KCNC2: variants seen among roughly 807,000 people sequenced by gnomAD.
The protein encoded by KCNC2 is voltage-gated potassium channel KCNC2.
KCNC2 carries 21 observed loss-of-function variants against 44.5 expected under a neutral mutation model. The ratio of observed to expected loss-of-function variants is 0.47; its 90% confidence interval spans 0.33 to 0.68. The LOEUF (loss-of-function observed/expected upper bound fraction) is 0.68, where lower values mean the gene tolerates loss of function less well. Among genes scored for constraint, KCNC2 ranks in the 30% least tolerant of loss-of-function variants. The pLI is 0.01. For missense variants in KCNC2, 589 were observed against 826.2 expected (o/e 0.71, Z 3.52); for synonymous variants, 391 against 339.1 (o/e 1.15, Z -1.68).
chr12:75,052,599 C>A lies in KCNC2; in HGVS notation c.688-1282G>T, dbSNP rs185834426. Among the ~76,000 whole-genome samples the A allele has an allele frequency of 2.6e-5, 4 of 152,136 alleles. No homozygotes were observed. The South Asian group carries it at 8.3e-4, about 32-fold the overall frequency. The stretch of plus-strand genomic sequence containing the variant: ...CAGGAGAAGGAAGTTGTCAGTCAAG[C>A]GGAGGGAGGTTCTTACTTGAAAATA... On this transcript the variant is annotated intron_variant, in intron 2 of 4. Transcript: ENST00000549446.
chr12:75,053,262 A>C (rs1177179953), intron 2 of KCNC2, among the ~76,000 whole-genome samples: 3 of 32,896 alleles, frequency 9.1e-5, no homozygotes, highest in Admixed American at 8.1e-4. Context: ...GTACCTACTA[A>C]CTCCCACCCC....
chr12:75,179,549 G>A (rs892853300), intron 2 of KCNC2, among the ~76,000 whole-genome samples: 1 of 151,280 alleles, frequency 6.6e-6, no homozygotes, highest in Admixed American at 6.6e-5. Flanking sequence ...ATTTATGCAT[G>A]TTAGACTCCA....
chr12:75,155,814 G>A (rs1890717982), intron 2 of KCNC2, among the ~76,000 whole-genome samples: 1 of 151,638 alleles, frequency 6.6e-6, no homozygotes, highest in Non-Finnish European at 1.5e-5. Flanking sequence ...TGAACTAAAT[G>A]CTTTAGATAC....
intron 2 of KCNC2, among the ~76,000 whole-genome samples, chr12:75,129,878 T>C (rs1888705888): frequency 6.6e-6 from 1 of 152,228 alleles, no homozygotes; most frequent in African/African-American, 2.4e-5. Flanking sequence ...AGGTATGTGG[T>C]TGACTTGATA....
chr12:75,129,455 G>T (rs1194822638), intron 2 of KCNC2, among the ~76,000 whole-genome samples: 2 of 152,062 alleles, frequency 1.3e-5, no homozygotes, highest in African/African-American at 2.4e-5. Context: ...GCTTTCATTG[G>T]TGCTTAAATC....
At chr12:75,183,581 A>C (rs772770613) in intron 2 of KCNC2, among the ~76,000 whole-genome samples, 1 of 152,176 alleles carries the variant, frequency 6.6e-6, no homozygotes, top group Non-Finnish European at 1.5e-5. Flanking sequence ...TTTTTGTAAG[A>C]TCTTATGCAT....
At chr12:75,067,123 G>A (rs1882909984) in intron 2 of KCNC2, among the ~76,000 whole-genome samples, 1 of 152,146 alleles carries the variant, frequency 6.6e-6, no homozygotes. Context: ...GATCTCTTGA[G>A]CCTGGGAGTT....
rs145164475 is a variant in KCNC2 at position 75,208,895 on chromosome 12, T to A, written c.-20+312A>T. On this transcript the variant is annotated intron_variant, in intron 1 of 4. Coordinates refer to ENST00000549446, the MANE Select transcript of KCNC2 (RefSeq NM_139137.4). ...TAAGATCCATCTTTAAGAATAGAAG[T>A]GATCAATGCATCCCACCCATCCCCC... Among the ~76,000 whole-genome samples, 6 of 152,220 alleles carry A rather than the reference T, an allele frequency of 3.9e-5. No individual in the cohort carries two copies. In the East Asian group the frequency reaches 1.2e-3, roughly 30 times the overall value.
At chr12:75,203,124 C>T (rs2031421129) in intron 2 of KCNC2, among the ~76,000 whole-genome samples, 1 of 151,754 alleles carries the variant, frequency 6.6e-6, no homozygotes, top group Non-Finnish European at 1.5e-5. Flanking sequence ...AGACTTAATA[C>T]ATTTTCTTCC....
At position 75,041,269 on chromosome 12, in the gene KCNC2, A is replaced by C. The variant is rs1879872672; in HGVS notation, c.*1836T>G. 6.4e-7 allele frequency: 1 copy of C among 1,570,598 alleles called. No individual in the cohort carries two copies. The highest frequency in any genetic ancestry group is 1.3e-5 in the African/African-American group (1 of 74,242). ...TTCTTTTACCATAAATTTGTGTGTA[A>C]TTATAATGTTCTATGTGTGGTGTTA... On this transcript the variant is annotated 3_prime_UTR_variant, in exon 5 of 5. Transcript: ENST00000549446.
At chr12:75,165,063 C>T (rs998488280) in intron 2 of KCNC2, among the ~76,000 whole-genome samples, 3 of 151,532 alleles carry the variant, frequency 2.0e-5, no homozygotes, top group African/African-American at 7.3e-5. Flanking sequence ...AGAGTGATCA[C>T]CTACAGTTCC....
intron 2 of KCNC2, among the ~76,000 whole-genome samples, chr12:75,074,470 C>T (rs10506676): frequency 0.89 from 134,911 of 152,058 alleles, 59,900 homozygotes; most frequent in Admixed American, 0.91. Context: ...TTCTACTTTC[C>T]TTGCCCTTTT....
intron 2 of KCNC2, among the ~76,000 whole-genome samples, chr12:75,138,843 T>C (rs1465272704): frequency 6.6e-6 from 1 of 151,078 alleles, no homozygotes; most frequent in Admixed American, 6.6e-5. Context: ...TAGCTGGGCG[T>C]GGTGGCGGAC....
In KCNC2 at chr12:75,207,424, G is replaced by A. The variant is rs751184466; in HGVS notation, c.560C>T (p.Ala187Val). ...CGCGTCCTCGATGCCCAGCCTCTTGGCCGCCAGGTCCTCGTCGTCGCCGGG... is the reference window on the plus strand; with the variant it reads ...CGCGTCCTCGATGCCCAGCCTCTTGACCGCCAGGTCCTCGTCGTCGCCGGG... ...GDPGDDEDLA[A>V]KRLGIEDAAG... Residue 187 changes from alanine to valine, a missense_variant, in exon 2 of 5, where the codon GCC becomes GTC. Transcript: ENST00000549446. The surrounding 1 kb of genome is among the most constrained non-coding windows in gnomAD (Gnocchi z 4.1). 8 of 1,605,246 alleles carry A rather than the reference G, an allele frequency of 5.0e-6. No homozygotes were observed. Among genetic ancestry groups the A allele is most frequent in the Non-Finnish European group, 6.8e-6 (8 of 1,176,146 alleles).
chr12:75,207,561 C>G lies in KCNC2; in HGVS notation c.423G>C (p.Trp141Cys), dbSNP rs1190805243. Reference sequence around the variant, plus strand: ...GCTCCACGTCGGTCTCGTCGATGCCCCAGAAGGCCAGCTCCTCCTCGAAGA... The same window carrying G: ...GCTCCACGTCGGTCTCGTCGATGCCGCAGAAGGCCAGCTCCTCCTCGAAGA... ...GPLFEEELAF[W>C]GIDETDVEPC... is the part of the protein sequence containing the mutation. The change falls in exon 2 of 5, where the codon TGG becomes TGC. Residue 141 changes from tryptophan (W) to cysteine (C), a missense_variant. Around this residue, in one of 7 missense-constraint regions of KCNC2, gnomAD observed 40 missense variants for 102.0 expected, o/e 0.39. Transcript: ENST00000549446. The surrounding 1 kb of genome is among the most constrained non-coding windows in gnomAD (Gnocchi z 4.1). 6.2e-7 allele frequency: 1 copy of G among 1,612,086 alleles called. No homozygotes were observed. The highest frequency in any genetic ancestry group is 8.5e-7 in the Non-Finnish European group (1 of 1,179,904).
intron 1 of KCNC2, among the ~76,000 whole-genome samples, chr12:75,208,430 C>A (rs185808851): frequency 5.4e-4 from 82 of 151,278 alleles, no homozygotes; most frequent in Non-Finnish European, 6.3e-4. Context: ...CCCTCCTTTG[C>A]CCCATTCTCT....
intron 2 of KCNC2, among the ~76,000 whole-genome samples, chr12:75,187,508 C>T (rs930432087): frequency 6.6e-6 from 1 of 152,088 alleles, no homozygotes; most frequent in African/African-American, 2.4e-5. Context: ...CTGCTTGTTC[C>T]TCACTTACTG....
intron 2 of KCNC2, among the ~76,000 whole-genome samples, chr12:75,109,418 T>C (rs1887046964): frequency 6.6e-6 from 1 of 152,152 alleles, no homozygotes; most frequent in South Asian, 2.1e-4. Flanking sequence ...CACCCAAAGA[T>C]AACTTTTGCC....
chr12:75,048,336 C>A lies in KCNC2; in HGVS notation c.1616-19G>T. On this transcript the variant is annotated intron_variant, in intron 3 of 4. Coordinates refer to ENST00000549446, the MANE Select transcript of KCNC2 (RefSeq NM_139137.4). ...GATAACACTGGTCACAGCACCATGCCCATTGACAGACAGTGATGAATGAGG... is the reference window on the plus strand; with the variant it reads ...GATAACACTGGTCACAGCACCATGCACATTGACAGACAGTGATGAATGAGG... 1 of 1,588,792 alleles carries A rather than the reference C, an allele frequency of 6.3e-7. No homozygotes were observed. Among genetic ancestry groups the A allele is most frequent in the Non-Finnish European group, 8.6e-7 (1 of 1,169,334 alleles).
Sources: gnomAD v4.1 joint callset for allele counts (sites outside exome capture counted in the v4.1 genomes callset) on GRCh38, gnomAD v4.1.1 for gene constraint, gnomAD v4.1.1 regional missense constraint, Gnocchi (gnomAD v3.1) non-coding constraint, MANE v1.5 for transcripts, NCBI Gene and HGNC (gene_info 2026-07-23, HGNC 2026-07-21) for gene names.